The following TMBIM4 variants were observed in gnomAD, a reference collection of about 807,000 sequenced individuals.
TMBIM4 encodes protein lifeguard 4.
TMBIM4 carries 28 observed loss-of-function variants against 27.7 expected under a neutral mutation model. That is an observed-to-expected ratio of 1.01 (90% CI 0.75 to 1.38). The LOEUF is 1.38. Ranked by LOEUF, TMBIM4 falls within the 40% of genes most tolerant of loss-of-function variation. TMBIM4 has a pLI of 0.00. For missense variants in TMBIM4, 265 were observed against 277.5 expected, an observed-to-expected ratio of 0.95 and a Z score of 0.32; for synonymous variants, 115 against 113.1, an observed-to-expected ratio of 1.02 and a Z score of -0.11.
Position 66,137,261 on chromosome 12 carries a change from A to T in TMBIM4, c.*699T>A, listed in dbSNP as rs1394173359. The T allele has an allele frequency of 1.3e-5, 2 of 152,246 alleles. No homozygotes were observed. The highest frequency in any genetic ancestry group is 4.8e-5 in the African/African-American group (2 of 41,472). 9.4% of individuals were successfully genotyped at this position (152,246 alleles called of 1,614,324 possible). On this transcript the variant is annotated 3_prime_UTR_variant, in exon 7 of 7. Coordinates refer to ENST00000358230, the MANE Select transcript of TMBIM4 (RefSeq NM_016056.4). ...ACTCTACTACTTCAGAATCAAAGCC[A>T]AATCAATATTACTTAATAATTCAGG...
intron 1 of TMBIM4, among the ~76,000 whole-genome samples, chr12:66,154,972 A>C (rs2051907863): frequency 6.6e-6 from 1 of 152,174 alleles, no homozygotes; most frequent in Non-Finnish European, 1.5e-5. Context: ...CTGAGTGTCC[A>C]TTGTATTTTG....
At chr12:66,138,683 C>T in intron 6 of TMBIM4, 41 bp downstream of exon 6, 1 of 1,456,178 alleles carries the variant, frequency 6.9e-7, no homozygotes, top group Non-Finnish European at 9.3e-7. Context: ...ATTGACACAG[C>T]CAGAATTATA....
At chr12:66,153,822 T>C (rs1200855161) in intron 1 of TMBIM4, among the ~76,000 whole-genome samples, 1 of 151,150 alleles carries the variant, frequency 6.6e-6, no homozygotes, top group Non-Finnish European at 1.5e-5. Flanking sequence ...AAAGGAGAAA[T>C]AGAAAGCATA....
intron 5 of TMBIM4, among the ~76,000 whole-genome samples, chr12:66,145,640 A>G (rs1034015298): frequency 6.6e-6 from 1 of 151,976 alleles, no homozygotes; most frequent in East Asian, 1.9e-4. Context: ...TATAGGAGAG[A>G]AGCAAATAAG....
At chr12:66,157,236 G>A (rs144387407) in intron 1 of TMBIM4, among the ~76,000 whole-genome samples, 51 of 152,136 alleles carry the variant, frequency 3.4e-4, no homozygotes, top group Non-Finnish European at 6.5e-4. Flanking sequence ...GCTATGTTGT[G>A]AGGAAACTAA....
intron 1 of TMBIM4, chr12:66,160,364 C>A: frequency 7.0e-6 from 4 of 574,540 alleles, no homozygotes; most frequent in Admixed American, 5.9e-5. Flanking sequence ...CATTTCACTT[C>A]CAAAAATTTA....
chr12:66,147,647 T>G (rs796678242), intron 4 of TMBIM4, among the ~76,000 whole-genome samples: 17 of 152,330 alleles, frequency 1.1e-4, no homozygotes, highest in African/African-American at 3.8e-4. Context: ...TATAGTTGTC[T>G]TATTTTTCTA....
intron 2 of TMBIM4, 29 bp from the exon 3 acceptor site, chr12:66,152,405 G>T: frequency 6.7e-7 from 1 of 1,482,720 alleles, no homozygotes; most frequent in Non-Finnish European, 9.3e-7. Flanking sequence ...AGTGTTTCAA[G>T]TTAAAGAAAA....
At position 66,137,401 on chromosome 12, in the gene TMBIM4, T is replaced by C. The variant is rs2051593511; in HGVS notation, c.*559A>G. 1 of 151,748 alleles carries C rather than the reference T, an allele frequency of 6.6e-6. No individual in the cohort carries two copies. Among genetic ancestry groups the C allele is most frequent in the African/African-American group, 2.4e-5 (1 of 41,350 alleles). 9.4% of individuals were successfully genotyped at this position (151,748 alleles called of 1,614,324 possible). A position where few individuals can be genotyped will look rare whatever the true frequency, so the allele number is the denominator to read the frequency against. On this transcript the variant is annotated 3_prime_UTR_variant, in exon 7 of 7. Coordinates refer to ENST00000358230, the MANE Select transcript of TMBIM4 (RefSeq NM_016056.4). ...CGTGGCTAATTTAGGAAGAAAAATTTTTTTTTTTTTTTTGAGACTGAGTCT... is the reference window on the plus strand; with the variant it reads ...CGTGGCTAATTTAGGAAGAAAAATTCTTTTTTTTTTTTTGAGACTGAGTCT...
chr12:66,139,503 G>C (rs1592532224), intron 5 of TMBIM4, among the ~76,000 whole-genome samples: 1 of 152,220 alleles, frequency 6.6e-6, no homozygotes, highest in East Asian at 1.9e-4. Flanking sequence ...AGGATACAAA[G>C]AAAGTGAAGT....
In TMBIM4 at chr12:66,137,795, T is replaced by TC; in HGVS notation, c.*164dup. 1.7e-6 allele frequency: 1 copy of TC among 605,156 alleles called. No homozygotes were observed. The highest frequency in any genetic ancestry group is 2.9e-5 in the East Asian group (1 of 34,810). 37.5% of individuals were successfully genotyped at this position (605,156 alleles called of 1,614,324 possible). The stretch of plus-strand genomic sequence containing the variant: ...AAAGAATAGTAAGATTTTAAAGCTC[T>TC]CAAAATTACATATGATACAAATAAA... On this transcript the variant is annotated 3_prime_UTR_variant, in exon 7 of 7. Coordinates refer to ENST00000358230, the MANE Select transcript of TMBIM4 (RefSeq NM_016056.4).
At chr12:66,158,730 A>G (rs2051988734) in intron 1 of TMBIM4, among the ~76,000 whole-genome samples, 2 of 152,204 alleles carry the variant, frequency 1.3e-5, no homozygotes. Context: ...AGATCATGCT[A>G]AGACACTTTT....
intron 1 of TMBIM4, among the ~76,000 whole-genome samples, chr12:66,162,733 C>T (rs1307598769): frequency 1.3e-5 from 2 of 152,190 alleles, no homozygotes; most frequent in Admixed American, 1.3e-4. Context: ...TACTGCAGAC[C>T]ACCCCAATCT....
At chr12:66,155,496 C>G (rs949034401) in intron 1 of TMBIM4, among the ~76,000 whole-genome samples, 3 of 152,260 alleles carry the variant, frequency 2.0e-5, no homozygotes, top group South Asian at 2.1e-4. Context: ...CATGCCACTA[C>G]GCCCAGCTAA....
intron 5 of TMBIM4, among the ~76,000 whole-genome samples, chr12:66,143,432 T>C (rs1007138968): frequency 2.6e-5 from 4 of 152,180 alleles, no homozygotes; most frequent in Non-Finnish European, 4.4e-5. Context: ...CCCTGATTTG[T>C]AGTGCTTCTT....
At chr12:66,146,265 T>C (rs1417009414) in intron 4 of TMBIM4, among the ~76,000 whole-genome samples, 2 of 152,188 alleles carry the variant, frequency 1.3e-5, no homozygotes, top group African/African-American at 4.8e-5. Context: ...GGAGTGATTC[T>C]CAGCCATCTC....
chr12:66,167,005 A>G (rs967406423), intron 1 of TMBIM4, among the ~76,000 whole-genome samples: 1 of 152,180 alleles, frequency 6.6e-6, no homozygotes, highest in Non-Finnish European at 1.5e-5. Flanking sequence ...AAAACCTTAA[A>G]CGCATATTAT....
intron 1 of TMBIM4, among the ~76,000 whole-genome samples, chr12:66,153,781 T>C (rs1262170094): frequency 1.3e-5 from 2 of 152,086 alleles, no homozygotes; most frequent in African/African-American, 2.4e-5. Flanking sequence ...AAGCAGAACA[T>C]TTTAAAAGAA....
chr12:66,160,350 CTA>C, intron 1 of TMBIM4: 1 of 591,016 alleles, frequency 1.7e-6, no homozygotes, highest in Non-Finnish European at 3.1e-6. Context: ...TCTTTTGACT[CTA>C]TCATTTCACT....
Sources: allele counts gnomAD v4.1 joint callset (sites outside exome capture counted in the v4.1 genomes callset), GRCh38; gene constraint gnomAD v4.1.1; transcripts MANE v1.5; gene names NCBI Gene and HGNC (gene_info 2026-07-23, HGNC 2026-07-21).